PATJ: variants seen among roughly 807,000 people sequenced by gnomAD.
The protein encoded by PATJ is inaD-like protein.
Under a neutral mutation model 224.9 loss-of-function variants are expected in PATJ, and 190 were observed. The ratio of observed to expected loss-of-function variants is 0.84; its 90% CI spans 0.75 to 0.95. PATJ has a LOEUF of 0.95. PATJ is among the 40% of genes least tolerant of loss of function. The pLI is 0.00. For missense variants in PATJ, 2,121 were observed against 2,270.3 expected, an observed-to-expected ratio of 0.93 and a Z score of 1.34; for synonymous variants, 769 against 820.3, an observed-to-expected ratio of 0.94 and a Z score of 1.07.
At chr1:61,809,913 T>C (rs1250720908) in intron 14 of PATJ, among the ~76,000 whole-genome samples, 1 of 151,172 alleles carries the variant, frequency 6.6e-6, no homozygotes, top group African/African-American at 2.4e-5. Flanking sequence ...TGGCATGATC[T>C]CAGCTCATTG....
At position 61,998,364 on chromosome 1, in the gene PATJ, G is replaced by A. The variant is rs559099181; in HGVS notation, c.3867+8000G>A. 9.0e-4 allele frequency among the ~76,000 whole-genome samples: 137 copies of A among 151,860 alleles called. 1 individual carries two copies. Among genetic ancestry groups the A allele is most frequent in the Non-Finnish European group, 1.6e-3 (109 of 67,982 alleles). Reference sequence around the variant, plus strand: ...CTCCCAAAGTGCTGGGATTACAGGCGTGAGCCACTGCGCCTAGCCCAGCTA... The same window carrying A: ...CTCCCAAAGTGCTGGGATTACAGGCATGAGCCACTGCGCCTAGCCCAGCTA... On this transcript the variant is annotated intron_variant, in intron 28 of 43. Transcript: ENST00000642238.
At chr1:61,899,784 C>A in intron 23 of PATJ, 130 bp downstream of exon 23, 1 of 593,568 alleles carries the variant, frequency 1.7e-6, no homozygotes, top group Admixed American at 3.3e-5. Context: ...TGTAAGCTGG[C>A]CTACGTTTTG....
intron 27 of PATJ, among the ~76,000 whole-genome samples, chr1:61,937,282 G>C (rs1269504730): frequency 6.6e-6 from 1 of 152,138 alleles, no homozygotes; most frequent in African/African-American, 2.4e-5. Context: ...ACCCAGGCTA[G>C]AGTGCAGTGG....
chr1:62,114,077 T>C lies in PATJ; in HGVS notation c.4486T>C (p.Ser1496Pro), dbSNP rs200550426. Residue 1496 changes from serine (S) to proline (P), a missense_variant, in exon 35 of 44, where the codon TCC becomes CCC. Transcript: ENST00000642238. ...GGTTAATGGGGTTGACCTGAGGAAC[T>C]CCAGCCACGAAGAAGCCATCACAGC... ...LEVNGVDLRNSSHEEAITALR... is the reference protein window; with the variant it reads ...LEVNGVDLRNPSHEEAITALR... The C allele has an allele frequency of 6.8e-6, 11 of 1,614,032 alleles. No homozygotes were observed. The highest frequency in any genetic ancestry group is 9.3e-6 in the Non-Finnish European group (11 of 1,179,982).
chr1:62,136,782 G>A (rs1319890874), intron 41 of PATJ, among the ~76,000 whole-genome samples: 1 of 151,452 alleles, frequency 6.6e-6, no homozygotes, highest in Non-Finnish European at 1.5e-5. Flanking sequence ...ATGGCTCACA[G>A]CAGCCTTGAT....
chr1:61,845,002 C>A (rs1661701103), intron 17 of PATJ, among the ~76,000 whole-genome samples: 1 of 152,062 alleles, frequency 6.6e-6, no homozygotes, highest in Non-Finnish European at 1.5e-5. Context: ...TTCTTTAGAG[C>A]AGTGTGAAAA....
intron 28 of PATJ, among the ~76,000 whole-genome samples, chr1:62,010,593 T>C (rs1646389640): frequency 6.6e-6 from 1 of 152,210 alleles, no homozygotes; most frequent in South Asian, 2.1e-4. Flanking sequence ...TCCATCCATA[T>C]TATTGCAAAT....
chr1:62,137,012 A>AAATT (rs1666979937), intron 41 of PATJ, among the ~76,000 whole-genome samples: 1 of 152,108 alleles, frequency 6.6e-6, no homozygotes, highest in African/African-American at 2.4e-5. Context: ...TCTTATCTGG[A>AAATT]AATTATTTTG....
intron 39 of PATJ, 24 bp from the exon 40 acceptor site, chr1:62,127,948 C>A (rs750039945): frequency 6.2e-7 from 1 of 1,612,514 alleles, no homozygotes; most frequent in South Asian, 1.1e-5. Context: ...AATATAAAAG[C>A]ATTATGTTTT....
chr1:62,007,050 T>C (rs1374548807), intron 28 of PATJ, among the ~76,000 whole-genome samples: 1 of 152,246 alleles, frequency 6.6e-6, no homozygotes, highest in Non-Finnish European at 1.5e-5. Flanking sequence ...TATGGTATTA[T>C]AATTGTATGG....
chr1:61,913,811 G>T (rs1363789960), intron 25 of PATJ, among the ~76,000 whole-genome samples: 1 of 152,064 alleles, frequency 6.6e-6, no homozygotes, highest in Non-Finnish European at 1.5e-5. Flanking sequence ...TTGAACTGGG[G>T]GTACAATGAT....
chr1:61,902,324 G>A (rs1671297655), intron 24 of PATJ, among the ~76,000 whole-genome samples: 1 of 151,662 alleles, frequency 6.6e-6, no homozygotes, highest in Non-Finnish European at 1.5e-5. Flanking sequence ...ACCATGGTGG[G>A]TATCTGTAAT....
chr1:62,099,347 CTTTTTTTTTTTTTTT>C (rs71050197), intron 33 of PATJ, among the ~76,000 whole-genome samples: 6 of 55,666 alleles, frequency 1.1e-4, no homozygotes, highest in South Asian at 6.6e-4. Flanking sequence ...ATATCTCCAA[CTTTTTTTTTTTTTTT>C]TTTTTTTTTT....
chr1:61,856,402 A>G (rs1663670269), intron 18 of PATJ, among the ~76,000 whole-genome samples, 163 bp downstream of exon 18: 1 of 152,168 alleles, frequency 6.6e-6, no homozygotes, highest in Non-Finnish European at 1.5e-5. Context: ...AATATCAGAA[A>G]AAATAATGTC....
At chr1:61,873,506 A>G (rs1215215324) in intron 20 of PATJ, among the ~76,000 whole-genome samples, 1 of 152,216 alleles carries the variant, frequency 6.6e-6, no homozygotes, top group Non-Finnish European at 1.5e-5. Flanking sequence ...ACTTAAAGTG[A>G]AAATATGATG....
intron 27 of PATJ, among the ~76,000 whole-genome samples, chr1:61,953,472 T>G (rs1045048560): frequency 2.6e-5 from 4 of 152,238 alleles, no homozygotes; most frequent in Non-Finnish European, 4.4e-5. Flanking sequence ...TCTGAAGATA[T>G]CCCTGTGGGG....
chr1:62,140,315 G>A (rs1217597613), intron 41 of PATJ, among the ~76,000 whole-genome samples: 1 of 152,214 alleles, frequency 6.6e-6, no homozygotes, highest in African/African-American at 2.4e-5. Context: ...TCCATAAGAC[G>A]ATGCTACAGA....
intron 27 of PATJ, among the ~76,000 whole-genome samples, chr1:61,953,000 C>T (rs1031256528): frequency 1.3e-5 from 2 of 152,044 alleles, no homozygotes; most frequent in African/African-American, 4.8e-5. Context: ...TGTTTGGTGC[C>T]TCATTCATCT....
At chr1:61,986,944 A>T (rs1644793966) in intron 27 of PATJ, among the ~76,000 whole-genome samples, 1 of 146,576 alleles carries the variant, frequency 6.8e-6, no homozygotes, top group Non-Finnish European at 1.5e-5. Flanking sequence ...CTTAGTTATA[A>T]TACTTTTTTT....
Sources: gnomAD v4.1 joint callset for allele counts (sites outside exome capture counted in the v4.1 genomes callset) on GRCh38, gnomAD v4.1.1 for gene constraint, MANE v1.5 for transcripts, NCBI Gene and HGNC (gene_info 2026-07-23, HGNC 2026-07-21) for gene names.